The following AOPEP variants were observed in gnomAD, a reference collection of about 807,000 sequenced individuals.
AOPEP encodes aminopeptidase O.
In AOPEP, 77 loss-of-function variants were observed where a neutral mutation model predicts 98.1. That is an observed-to-expected ratio of 0.78 (90% confidence interval 0.65 to 0.95). AOPEP has a LOEUF of 0.95. AOPEP is among the 40% of genes least tolerant of loss of function. The pLI is 0.00. For missense variants in AOPEP, 1,024 were observed against 1,024.7 expected, an observed-to-expected ratio of 1.00 and a Z score of 0.01; for synonymous variants, 346 against 365.3, an observed-to-expected ratio of 0.95 and a Z score of 0.60.
the AOPEP span, among the ~76,000 whole-genome samples, chr9:95,118,165 C>T: frequency 6.6e-6 from 1 of 152,076 alleles, no homozygotes; most frequent in Non-Finnish European, 1.5e-5. Flanking sequence ...ATTACAGGCA[C>T]ATGCCACCAC....
Position 94,924,179 on chromosome 9 carries a change from G to A in AOPEP, c.1554+4G>A. On this transcript the variant is annotated splice_donor_region_variant and intron_variant, in intron 6 of 16. Transcript: ENST00000375315. ...GTTTTGGGCCACAGCACAGCAGGTG[G>A]GTTAAAGTGACCCTAAGTATTTCAC... The A allele has an allele frequency of 7.3e-7, 1 of 1,366,824 alleles. No individual in the cohort carries two copies. The allele number at this position is 1,366,824 out of a possible 1,614,324, so 84.7% of individuals were successfully genotyped here. A position where few individuals can be genotyped will look rare whatever the true frequency, so the allele number is the denominator to read the frequency against.
the AOPEP span, among the ~76,000 whole-genome samples, chr9:95,142,788 G>C: frequency 6.6e-6 from 1 of 152,188 alleles, no homozygotes; most frequent in African/African-American, 2.4e-5. Flanking sequence ...AGAGTGGTCA[G>C]AGACTCGTAT....
intron 5 of AOPEP, among the ~76,000 whole-genome samples, chr9:94,822,011 A>ACG (rs1039908774): frequency 6.8e-6 from 1 of 146,164 alleles, no homozygotes; most frequent in Non-Finnish European, 1.5e-5. Flanking sequence ...ACACACACAC[A>ACG]CGCAGGCATT....
intron 3 of AOPEP, among the ~76,000 whole-genome samples, chr9:94,790,085 C>T (rs997846874): frequency 3.3e-5 from 5 of 151,628 alleles, no homozygotes; most frequent in African/African-American, 1.2e-4. Context: ...CCGTGTTAGC[C>T]AGGATGGTCT....
At chr9:94,833,224 C>T (rs1428795758) in intron 5 of AOPEP, among the ~76,000 whole-genome samples, 2 of 144,950 alleles carry the variant, frequency 1.4e-5, no homozygotes, top group East Asian at 4.1e-4. Flanking sequence ...GCATGAGCCA[C>T]CACACCCGTC....
intron 3 of AOPEP, among the ~76,000 whole-genome samples, chr9:94,787,376 CA>C (rs1844665362): frequency 6.6e-6 from 1 of 152,160 alleles, no homozygotes; most frequent in Admixed American, 6.5e-5. Flanking sequence ...TGACCTTGTG[CA>C]GGGATCTAAC....
intron 6 of AOPEP, among the ~76,000 whole-genome samples, chr9:94,925,122 G>T (rs1426063059): frequency 6.6e-6 from 1 of 152,164 alleles, no homozygotes; most frequent in African/African-American, 2.4e-5. Flanking sequence ...CTCCTGAGTA[G>T]CTAGGATGAC....
intron 11 of AOPEP, among the ~76,000 whole-genome samples, chr9:94,986,181 G>T (rs545036729): frequency 6.6e-6 from 1 of 152,086 alleles, no homozygotes; most frequent in Non-Finnish European, 1.5e-5. Flanking sequence ...GCTTGTAGAC[G>T]GCCACCTTCT....
At chr9:95,076,629 A>G (rs1036423648) in intron 14 of AOPEP, among the ~76,000 whole-genome samples, 1 of 152,238 alleles carries the variant, frequency 6.6e-6, no homozygotes, top group Non-Finnish European at 1.5e-5. Flanking sequence ...GAGGAATGCA[A>G]TCCATGAAGT....
the AOPEP span, among the ~76,000 whole-genome samples, chr9:95,117,723 A>ATT: frequency 3.5e-3 from 480 of 136,790 alleles, 5 homozygotes; most frequent in East Asian, 0.02. Context: ...GTATTTCAGC[A>ATT]TTTTTTTTTT....
At chr9:95,143,310 G>A in the AOPEP span, among the ~76,000 whole-genome samples, 3 of 152,140 alleles carry the variant, frequency 2.0e-5, no homozygotes, top group Admixed American at 1.3e-4. Context: ...CCACAGTTTA[G>A]GTTTTTTATG....
intron 5 of AOPEP, among the ~76,000 whole-genome samples, chr9:94,805,854 A>G (rs1168554269): frequency 1.3e-5 from 2 of 152,214 alleles, no homozygotes; most frequent in African/African-American, 4.8e-5. Context: ...CCAATGTGTA[A>G]TAGAATAAGC....
chr9:95,126,274 CTG>C, the AOPEP span, among the ~76,000 whole-genome samples: 1 of 152,142 alleles, frequency 6.6e-6, no homozygotes, highest in African/African-American at 2.4e-5. Context: ...TAACTCAATT[CTG>C]TGTTTCTATT....
intron 10 of AOPEP, among the ~76,000 whole-genome samples, chr9:94,970,704 A>G (rs374402609): frequency 3.6e-4 from 51 of 143,108 alleles, no homozygotes; most frequent in African/African-American, 1.2e-3. Flanking sequence ...TGCTGTCTTG[A>G]AAAAAAAAAA....
chr9:95,122,660 T>C, the AOPEP span, among the ~76,000 whole-genome samples: 33 of 152,104 alleles, frequency 2.2e-4, no homozygotes, highest in Middle Eastern at 3.2e-3. Flanking sequence ...CAATCCATAG[T>C]GCCCACGGCC....
At chr9:94,919,941 T>C (rs982140452) in intron 5 of AOPEP, among the ~76,000 whole-genome samples, 1 of 152,180 alleles carries the variant, frequency 6.6e-6, no homozygotes, top group African/African-American at 2.4e-5. Flanking sequence ...CCATAAGAAG[T>C]ACCAGCTTGA....
At chr9:95,064,068 T>C (rs916108991) in intron 14 of AOPEP, among the ~76,000 whole-genome samples, 2 of 152,194 alleles carry the variant, frequency 1.3e-5, no homozygotes, top group Non-Finnish European at 2.9e-5. Context: ...CACTCTTTCA[T>C]GTAGAATTGC....
chr9:95,006,472 T>C (rs2062029391), intron 13 of AOPEP, among the ~76,000 whole-genome samples: 1 of 152,188 alleles, frequency 6.6e-6, no homozygotes, highest in Non-Finnish European at 1.5e-5. Context: ...TATGTTGCCT[T>C]AGTATGGGCA....
At chr9:95,104,779 C>T in the AOPEP span, among the ~76,000 whole-genome samples, 1 of 152,146 alleles carries the variant, frequency 6.6e-6, no homozygotes, top group Non-Finnish European at 1.5e-5. Context: ...TCTCCACTCA[C>T]ACGGGCCACA....
Sources: allele counts gnomAD v4.1 joint callset (sites outside exome capture counted in the v4.1 genomes callset), GRCh38; gene constraint gnomAD v4.1.1; transcripts MANE v1.5; gene names NCBI Gene and HGNC (gene_info 2026-07-23, HGNC 2026-07-21).